The following LAMC1 variants were observed in gnomAD, a reference collection of about 807,000 sequenced individuals.
LAMC1 encodes laminin subunit gamma 1.
LAMC1 carries 38 observed loss-of-function variants against 173.6 expected under a neutral mutation model. The observed-to-expected ratio is 0.22, with a 90% CI of 0.17 to 0.29. LAMC1 has a LOEUF of 0.29. LAMC1 is among the 10% of genes least tolerant of loss of function. The probability of loss-of-function intolerance (pLI) is 1.00; values close to 1 mark genes in which losing one functional copy is unlikely to be tolerated. For synonymous variants in LAMC1, 746 were observed against 749.1 expected (o/e 1.00, Z 0.07); for missense variants, 1,824 against 2,051.8 (o/e 0.89, Z 2.14).
chr1:183,074,035 T>A (rs1317814970), intron 1 of LAMC1, among the ~76,000 whole-genome samples: 1 of 152,198 alleles, frequency 6.6e-6, no homozygotes, highest in Non-Finnish European at 1.5e-5. Flanking sequence ...TACTCCTTTT[T>A]CCCTTATCTG....
intron 1 of LAMC1, among the ~76,000 whole-genome samples, chr1:183,033,569 T>C (rs2102008888): frequency 6.6e-6 from 1 of 152,362 alleles, no homozygotes; most frequent in African/African-American, 2.4e-5. Flanking sequence ...GTTCCACATA[T>C]CACTTAAATA....
At chr1:183,095,348 A>G (rs1571436307) in intron 1 of LAMC1, among the ~76,000 whole-genome samples, 2 of 152,132 alleles carry the variant, frequency 1.3e-5, no homozygotes, top group Non-Finnish European at 2.9e-5. Flanking sequence ...TAAAAAAACT[A>G]TTTTTCACTC....
chr1:183,049,471 T>G (rs1215547750), intron 1 of LAMC1, among the ~76,000 whole-genome samples: 1 of 151,934 alleles, frequency 6.6e-6, no homozygotes, highest in East Asian at 1.9e-4. Flanking sequence ...TTGTTTTTTT[T>G]TTTTGTTTTT....
At chr1:183,056,767 T>G (rs1167359130) in intron 1 of LAMC1, among the ~76,000 whole-genome samples, 1 of 152,180 alleles carries the variant, frequency 6.6e-6, no homozygotes, top group Non-Finnish European at 1.5e-5. Flanking sequence ...ATGTACCGTT[T>G]CTGTTTTTAA....
intron 19 of LAMC1, 118 bp from the exon 20 acceptor site, chr1:183,131,172 CAAAAAAAAA>C (rs3065304): frequency 2.5e-6 from 1 of 398,476 alleles, no homozygotes; most frequent in Non-Finnish European, 4.4e-6. Context: ...GAAACTATCT[CAAAAAAAAA>C]AAAAAAAAAG....
Position 183,074,779 on chromosome 1 carries a change from A to G in LAMC1, c.419-28549A>G, listed in dbSNP as rs990587438. Among the ~76,000 whole-genome samples, 4 of 152,160 alleles carry G rather than the reference A, an allele frequency of 2.6e-5. No homozygotes were observed. The East Asian group carries it at 5.8e-4, about 22-fold the overall frequency. ...ATCTTACTGTGAATTACTGGAGTCT[A>G]TTTTTAAAATCTTGGAAATTTTTTA... On this transcript the variant is annotated intron_variant, in intron 1 of 27. Transcript: ENST00000258341.
Position 183,121,707 on chromosome 1 carries a change from T to C in LAMC1, c.1991-16T>C, listed in dbSNP as rs761428884. ...ACAAGCCAGTTCAGTGATTTTCTTT[T>C]CCTCACTATACACAGGTGCTGGATA... On this transcript the variant is annotated splice_polypyrimidine_tract_variant and intron_variant, in intron 11 of 27. Transcript: ENST00000258341. The C allele has an allele frequency of 6.3e-7, 1 of 1,596,840 alleles. No homozygotes were observed. The highest frequency in any genetic ancestry group is 1.1e-5 in the South Asian group (1 of 89,200).
At position 183,135,096 on chromosome 1, in the gene LAMC1, G is replaced by A. The variant is rs1030626536; in HGVS notation, c.4054G>A (p.Ala1352Thr). ...ADAAKALAEE[A>T]AKKGRDTLQE... ...TGCTGCCAAGGCCCTCGCTGAAGAA[G>A]CTGCAAAGAAGGGACGGGATACCTT... Residue 1352 changes from alanine (A) to threonine (T), a missense_variant, in exon 24 of 28, where the codon GCT becomes ACT. Transcript: ENST00000258341. 26 of 1,614,068 alleles carry A rather than the reference G, an allele frequency of 1.6e-5. No homozygotes were observed. Among genetic ancestry groups the A allele is most frequent in the Admixed American group, 3.3e-5 (2 of 60,002 alleles).
intron 24 of LAMC1, among the ~76,000 whole-genome samples, chr1:183,136,012 T>C (rs976863894): frequency 5.9e-5 from 9 of 152,122 alleles, no homozygotes; most frequent in African/African-American, 2.2e-4. Flanking sequence ...AATTTTCTTA[T>C]AAAAATGATA....
At chr1:183,115,739 C>A (rs1026346732) in intron 6 of LAMC1, 102 bp downstream of exon 6, 1 of 834,740 alleles carries the variant, frequency 1.2e-6, no homozygotes, top group Non-Finnish European at 2.0e-6. Flanking sequence ...AACATTTTTC[C>A]TGTAATAATT....
intron 22 of LAMC1, among the ~76,000 whole-genome samples, 169 bp from the exon 23 acceptor site, chr1:183,134,491 A>G (rs915204063): frequency 7.2e-5 from 11 of 152,204 alleles, no homozygotes; most frequent in African/African-American, 2.2e-4. Flanking sequence ...TGTGAACTTC[A>G]GTGGGTGTAA....
intron 13 of LAMC1, among the ~76,000 whole-genome samples, chr1:183,123,934 T>A (rs1558055927): frequency 6.6e-6 from 1 of 152,194 alleles, no homozygotes; most frequent in Non-Finnish European, 1.5e-5. Context: ...GAGCCCAACT[T>A]GAACTAATCA....
chr1:183,085,765 G>T (rs76865467), intron 1 of LAMC1, among the ~76,000 whole-genome samples: 1 of 152,120 alleles, frequency 6.6e-6, no homozygotes, highest in Non-Finnish European at 1.5e-5. Context: ...TAGAAAGTAA[G>T]TGCCACTTAA....
intron 6 of LAMC1, among the ~76,000 whole-genome samples, chr1:183,116,322 C>A (rs1323991051): frequency 6.6e-6 from 1 of 150,992 alleles, no homozygotes; most frequent in South Asian, 2.1e-4. Flanking sequence ...ACTAAAAATA[C>A]AAAAATTAGC....
At chr1:183,043,063 T>C (rs1654180930) in intron 1 of LAMC1, among the ~76,000 whole-genome samples, 1 of 152,226 alleles carries the variant, frequency 6.6e-6, no homozygotes, top group African/African-American at 2.4e-5. Flanking sequence ...ACAGTTTTGT[T>C]GTGGAATCTT....
At position 183,143,755 on chromosome 1, in the gene LAMC1, T is replaced by G. The variant is rs926745868; in HGVS notation, c.*965T>G. The G allele has an allele frequency of 2.0e-4, 30 of 152,276 alleles. No individual in the cohort carries two copies. The highest frequency in any genetic ancestry group is 6.3e-4 in the African/African-American group (26 of 41,568). 9.4% of individuals were successfully genotyped at this position (152,276 alleles called of 1,614,324 possible). ...TGACAAAACAGAAGAAAAACAAGCCTCCTCGTCCTAGTCTTTTCTAGCAAA... is the reference window on the plus strand; with the variant it reads ...TGACAAAACAGAAGAAAAACAAGCCGCCTCGTCCTAGTCTTTTCTAGCAAA... On this transcript the variant is annotated 3_prime_UTR_variant, in exon 28 of 28. Transcript: ENST00000258341.
chr1:183,058,958 AC>A (rs1350017519), intron 1 of LAMC1, among the ~76,000 whole-genome samples: 3 of 152,234 alleles, frequency 2.0e-5, no homozygotes, highest in Non-Finnish European at 4.4e-5. Context: ...CTGTTTTATA[AC>A]ATGTAAAATT....
chr1:183,107,196 G>A (rs1228292978), intron 2 of LAMC1, among the ~76,000 whole-genome samples: 1 of 152,096 alleles, frequency 6.6e-6, no homozygotes, highest in African/African-American at 2.4e-5. Context: ...ATAATAGTTC[G>A]CATACCTACT....
At chr1:183,131,087 C>G (rs556477095) in intron 19 of LAMC1, among the ~76,000 whole-genome samples, 1 of 150,838 alleles carries the variant, frequency 6.6e-6, no homozygotes, top group South Asian at 2.1e-4. Flanking sequence ...GGCAGGAGAA[C>G]CACTTGAACC....
Sources: gnomAD v4.1 joint callset for allele counts (sites outside exome capture counted in the v4.1 genomes callset) on GRCh38, gnomAD v4.1.1 for gene constraint, MANE v1.5 for transcripts, NCBI Gene and HGNC (gene_info 2026-07-23, HGNC 2026-07-21) for gene names.